Variants in FGF12 observed in about 807,000 individuals in gnomAD.
The protein encoded by FGF12 is fibroblast growth factor 12, also known as fibroblast growth factor 12B.
FGF12 carries 14 observed loss-of-function variants against 23.6 expected under a neutral mutation model. That is an observed-to-expected ratio of 0.59 (90% confidence interval 0.39 to 0.93). FGF12 has a LOEUF of 0.93. Among genes scored for constraint, FGF12 ranks in the 40% least tolerant of loss-of-function variants. The pLI is 0.00. For synonymous variants in FGF12, 62 were observed against 77.3 expected (o/e 0.80, Z 1.04); for missense variants, 175 against 217.8 (o/e 0.80, Z 1.24).
chr3:192,520,925 G>A (rs763299929), intron 2 of FGF12, among the ~76,000 whole-genome samples: 8 of 152,034 alleles, frequency 5.3e-5, no homozygotes, highest in Non-Finnish European at 1.0e-4. Flanking sequence ...GCTGCAATAA[G>A]TAACCTTGTG....
chr3:192,547,294 T>C (rs1038383689), intron 2 of FGF12, among the ~76,000 whole-genome samples: 4 of 152,192 alleles, frequency 2.6e-5, no homozygotes, highest in Non-Finnish European at 5.9e-5. Context: ...TCTGACTCAT[T>C]AATTAAATGT....
At chr3:192,311,150 A>T (rs1425135332) in intron 4 of FGF12, among the ~76,000 whole-genome samples, 1 of 152,194 alleles carries the variant, frequency 6.6e-6, no homozygotes, top group Non-Finnish European at 1.5e-5. Context: ...ATTAAGACAT[A>T]ATTCCCATAC....
chr3:192,708,919 A>C (rs1253717315), intron 2 of FGF12, among the ~76,000 whole-genome samples: 1 of 152,232 alleles, frequency 6.6e-6, no homozygotes, highest in African/African-American at 2.4e-5. Context: ...AGAACTGACA[A>C]TTGAACAATA....
intron 2 of FGF12, among the ~76,000 whole-genome samples, chr3:192,588,358 AAAAAAAAAAGAAAAAAAG>A (rs969783788): frequency 1.7e-4 from 26 of 148,574 alleles, no homozygotes; most frequent in Non-Finnish European, 3.0e-4. Flanking sequence ...TCAAAAAAAA[AAAAAAAAAAGAAAAAAAG>A]AAAAAAAAAA....
At chr3:192,198,445 G>C (rs1194096428) in intron 4 of FGF12, among the ~76,000 whole-genome samples, 1 of 152,024 alleles carries the variant, frequency 6.6e-6, no homozygotes, top group Non-Finnish European at 1.5e-5. Context: ...GCTAAAATCA[G>C]TAATAATGCT....
At chr3:192,164,610 G>GA (rs144032377) in intron 5 of FGF12, among the ~76,000 whole-genome samples, 2,296 of 152,036 alleles carry the variant, frequency 0.015, 19 homozygotes, top group African/African-American at 0.019. Context: ...AAATAAGCAG[G>GA]AAAAAACAAA....
intron 2 of FGF12, among the ~76,000 whole-genome samples, chr3:192,718,161 CTTTTTTTT>C (rs71177369): frequency 2.6e-5 from 2 of 77,970 alleles, no homozygotes; most frequent in Non-Finnish European, 4.9e-5. Context: ...GTTAGTCTTT[CTTTTTTTT>C]TTTTTTTTTT....
At chr3:192,578,881 A>G (rs1045244510) in intron 2 of FGF12, among the ~76,000 whole-genome samples, 1 of 152,176 alleles carries the variant, frequency 6.6e-6, no homozygotes. Context: ...CATGAACTAC[A>G]TTTTCACCAC....
At chr3:192,371,865 T>C (rs758322883) in intron 2 of FGF12, among the ~76,000 whole-genome samples, 1 of 152,184 alleles carries the variant, frequency 6.6e-6, no homozygotes, top group South Asian at 2.1e-4. Context: ...TCATTGTTAA[T>C]CATCAGTTGT....
rs139123946 is a variant in FGF12, at chr3:192,160,792, T to C, written c.427+9666A>G. Among the ~76,000 whole-genome samples the C allele has an allele frequency of 2.2e-4, 33 of 152,176 alleles. No homozygotes were observed. In the East Asian group the frequency reaches 6.0e-3, roughly 28 times the overall value. ...AGTGACTAACTGAAGAAGTCTTTGG[T>C]TGGAGTAAAGCTGATTTTTCTTTCA... On this transcript the variant is annotated intron_variant, in intron 5 of 5. Coordinates refer to ENST00000445105, the MANE Select transcript of FGF12 (RefSeq NM_004113.6).
At chr3:192,457,792 TC>T (rs1446345200) in intron 2 of FGF12, among the ~76,000 whole-genome samples, 1 of 152,146 alleles carries the variant, frequency 6.6e-6, no homozygotes, top group Admixed American at 6.5e-5. Context: ...CTAATGTTAA[TC>T]CCCAAGACCA....
At chr3:192,542,734 G>T (rs895805932) in intron 2 of FGF12, among the ~76,000 whole-genome samples, 23 of 151,892 alleles carry the variant, frequency 1.5e-4, no homozygotes, top group Non-Finnish European at 1.5e-5. Flanking sequence ...AGCACCCCAA[G>T]CCCAGTAACA....
intron 2 of FGF12, among the ~76,000 whole-genome samples, chr3:192,668,984 T>C (rs1381376198): frequency 6.6e-6 from 1 of 151,760 alleles, no homozygotes; most frequent in South Asian, 2.1e-4. Context: ...ATAAGAAAAA[T>C]GCAAAACGTG....
At chr3:192,282,852 G>A (rs552223127) in intron 4 of FGF12, 1 of 152,152 alleles carries the variant, frequency 6.6e-6, no homozygotes, top group African/African-American at 2.4e-5. Context: ...TATAAATAAG[G>A]CACCAGATGT....
At chr3:192,310,633 T>G (rs1715884651) in intron 4 of FGF12, among the ~76,000 whole-genome samples, 1 of 152,212 alleles carries the variant, frequency 6.6e-6, no homozygotes, top group Non-Finnish European at 1.5e-5. Flanking sequence ...CAATACATGT[T>G]TAAATTGATC....
At position 192,418,568 on chromosome 3, in the gene FGF12, C is replaced by T. The variant is rs535032768; in HGVS notation, c.14-58030G>A. ...CATTGATCTGGTTTGAATCTGTGTCCGTGCCCAAATCTCATGTTGAATTGT... is the reference window on the plus strand; with the variant it reads ...CATTGATCTGGTTTGAATCTGTGTCTGTGCCCAAATCTCATGTTGAATTGT... On this transcript the variant is annotated intron_variant, in intron 2 of 5. Coordinates refer to ENST00000445105, the MANE Select transcript of FGF12 (RefSeq NM_004113.6). 8.5e-5 allele frequency among the ~76,000 whole-genome samples: 13 copies of T among 152,206 alleles called. No individual in the cohort carries two copies. The South Asian group carries it at 2.3e-3, about 27-fold the overall frequency.
intron 5 of FGF12, among the ~76,000 whole-genome samples, chr3:192,156,034 A>G (rs1343030020): frequency 6.6e-6 from 1 of 152,220 alleles, no homozygotes; most frequent in Non-Finnish European, 1.5e-5. Flanking sequence ...TAGATTTGCC[A>G]TGCTTTAGGA....
chr3:192,405,021 G>A (rs969708345), intron 2 of FGF12, among the ~76,000 whole-genome samples: 2 of 144,682 alleles, frequency 1.4e-5, no homozygotes, highest in Admixed American at 6.7e-5. Flanking sequence ...TGCAAGGAAG[G>A]TAGGAAAAAA....
At chr3:192,560,776 C>T (rs1711986125) in intron 2 of FGF12, among the ~76,000 whole-genome samples, 1 of 152,044 alleles carries the variant, frequency 6.6e-6, no homozygotes. Context: ...TTTTAACAAA[C>T]TCTTTCCTAA....
Sources: gnomAD v4.1 joint callset for allele counts (sites outside exome capture counted in the v4.1 genomes callset) on GRCh38, gnomAD v4.1.1 for gene constraint, MANE v1.5 for transcripts, NCBI Gene and HGNC (gene_info 2026-07-23, HGNC 2026-07-21) for gene names.